HYDIN: variants seen among roughly 807,000 people sequenced by gnomAD.
HYDIN encodes the protein HYDIN axonemal central pair apparatus protein.
In HYDIN, 132 loss-of-function variants were observed where a neutral mutation model predicts 403.9. That is an observed-to-expected ratio of 0.33 (90% CI 0.28 to 0.38). The LOEUF is 0.38. Ranked by LOEUF, HYDIN falls within the 10% of genes least tolerant of loss-of-function variation. The pLI is 1.00. For synonymous variants in HYDIN, 1,202 were observed against 1,891.7 expected, an observed-to-expected ratio of 0.64 and a Z score of 9.46; for missense variants, 2,827 against 5,009.5, an observed-to-expected ratio of 0.56 and a Z score of 13.15.
intron 23 of HYDIN, among the ~76,000 whole-genome samples, chr16:70,996,912 C>CT (rs1347198273): frequency 2.1e-4 from 32 of 151,238 alleles, no homozygotes; most frequent in Admixed American, 6.6e-5. Context: ...TTATTGTGCA[C>CT]TTTATTTCTA....
chr16:70,910,485 G>A (rs141260857), intron 47 of HYDIN, among the ~76,000 whole-genome samples: 8 of 152,194 alleles, frequency 5.3e-5, no homozygotes, highest in African/African-American at 1.4e-4. Flanking sequence ...CTTGTTGACT[G>A]ATGGGCATTT....
At chr16:70,853,721 A>G (rs965715167) in intron 73 of HYDIN, among the ~76,000 whole-genome samples, 2 of 140,138 alleles carry the variant, frequency 1.4e-5, no homozygotes, top group Admixed American at 6.8e-5. Flanking sequence ...GGGTGTGGCA[A>G]CAAAAGGGTC....
chr16:71,184,329 C>T (rs1404745891), intron 3 of HYDIN, among the ~76,000 whole-genome samples: 1 of 152,006 alleles, frequency 6.6e-6, no homozygotes, highest in Non-Finnish European at 1.5e-5. Context: ...AAATAGGAAA[C>T]CAGACCTTCT....
intron 47 of HYDIN, among the ~76,000 whole-genome samples, chr16:70,910,275 T>C (rs1286158364): frequency 6.6e-6 from 1 of 152,116 alleles, no homozygotes; most frequent in Non-Finnish European, 1.5e-5. Flanking sequence ...GTCCATTGTA[T>C]CATTCTTATG....
chr16:70,855,534 G>A (rs1448050654), intron 72 of HYDIN, among the ~76,000 whole-genome samples: 2 of 152,256 alleles, frequency 1.3e-5, no homozygotes, highest in African/African-American at 4.8e-5. Context: ...TGGTGACACC[G>A]TTTTCTTCCC....
At chr16:70,906,314 G>A (rs921102670) in intron 50 of HYDIN, among the ~76,000 whole-genome samples, 4 of 151,518 alleles carry the variant, frequency 2.6e-5, no homozygotes, top group South Asian at 2.1e-4. Flanking sequence ...TTAAACTTTC[G>A]CCACTCCCCT....
At chr16:71,099,108 CAT>C (rs781211108) in intron 10 of HYDIN, among the ~76,000 whole-genome samples, 26 of 152,176 alleles carry the variant, frequency 1.7e-4, no homozygotes, top group South Asian at 6.3e-4. Flanking sequence ...TGATTTCACA[CAT>C]GAGAAGTAGG....
chr16:70,833,395 C>G (rs1402837356), intron 79 of HYDIN, among the ~76,000 whole-genome samples: 2 of 129,834 alleles, frequency 1.5e-5, no homozygotes, highest in East Asian at 4.3e-4. Flanking sequence ...GGTCACACAG[C>G]TAGGAAGTGG....
intron 5 of HYDIN, among the ~76,000 whole-genome samples, chr16:71,174,450 A>C (rs979944886): frequency 3.9e-5 from 6 of 152,218 alleles, no homozygotes; most frequent in African/African-American, 1.4e-4. Context: ...AGTGCAACAC[A>C]GATAAGCATG....
intron 44 of HYDIN, among the ~76,000 whole-genome samples, chr16:70,938,281 C>T (rs1620660): frequency 3.6e-4 from 52 of 145,198 alleles, no homozygotes; most frequent in South Asian, 2.2e-3. Flanking sequence ...AAGCCACACG[C>T]GGGGGTGCTG....
intron 1 of HYDIN, among the ~76,000 whole-genome samples, chr16:71,193,439 G>C (rs2087535721): frequency 6.6e-6 from 1 of 152,136 alleles, no homozygotes; most frequent in African/African-American, 2.4e-5. Context: ...TATATTCTCA[G>C]CTAACTCTTA....
At chr16:71,179,920 G>A (rs975388729) in intron 3 of HYDIN, among the ~76,000 whole-genome samples, 7 of 152,104 alleles carry the variant, frequency 4.6e-5, no homozygotes, top group African/African-American at 1.4e-4. Context: ...GTTGCGCCCT[G>A]GGGCACCTTG....
intron 1 of HYDIN, among the ~76,000 whole-genome samples, chr16:71,211,215 T>G (rs544142775): frequency 6.6e-6 from 1 of 152,088 alleles, no homozygotes; most frequent in Non-Finnish European, 1.5e-5. Context: ...ACCCAAAAAG[T>G]TGAGGTAAAT....
intron 10 of HYDIN, among the ~76,000 whole-genome samples, chr16:71,102,729 T>A (rs2144412861): frequency 6.6e-6 from 1 of 151,556 alleles, no homozygotes; most frequent in African/African-American, 2.4e-5. Context: ...CCCTGATGGT[T>A]TAGTCTTTCA....
chr16:70,880,530 G>C (rs1366352532), intron 60 of HYDIN, among the ~76,000 whole-genome samples: 1 of 152,122 alleles, frequency 6.6e-6, no homozygotes, highest in Admixed American at 6.5e-5. Context: ...TCAGGTGATG[G>C]TGCCAGTCCC....
chr16:70,835,568 G>C, intron 78 of HYDIN, 108 bp downstream of exon 78: 1 of 666,190 alleles, frequency 1.5e-6, no homozygotes, highest in Middle Eastern at 4.2e-4. Flanking sequence ...AGAATGGTCT[G>C]GCACATTACA....
At chr16:71,202,134 A>G (rs1025800952) in intron 1 of HYDIN, among the ~76,000 whole-genome samples, 1 of 152,228 alleles carries the variant, frequency 6.6e-6, no homozygotes, top group African/African-American at 2.4e-5. Context: ...AGGAGCACAA[A>G]GTGAGAACAC....
intron 7 of HYDIN, among the ~76,000 whole-genome samples, chr16:71,139,089 AAAG>A (rs1341064477): frequency 0.026 from 3,010 of 117,200 alleles, 122 homozygotes; most frequent in African/African-American, 0.096. Flanking sequence ...TGTCTCAAAT[AAAG>A]AAGAAAAAAA....
chr16:70,820,373 A>G (rs2036174528), intron 83 of HYDIN, among the ~76,000 whole-genome samples: 3 of 147,226 alleles, frequency 2.0e-5, no homozygotes, highest in South Asian at 4.3e-4. Context: ...TTGTGTTTTT[A>G]GTAGAGATGG....
Sources: allele counts gnomAD v4.1 joint callset (sites outside exome capture counted in the v4.1 genomes callset), GRCh38; gene constraint gnomAD v4.1.1; transcripts MANE v1.5; gene names NCBI Gene and HGNC (gene_info 2026-07-23, HGNC 2026-07-21).